Variants in EXOC6B observed in about 807,000 individuals in gnomAD.
EXOC6B encodes exocyst complex component 6B.
EXOC6B carries 54 observed loss-of-function variants against 113.5 expected under a neutral mutation model. The observed-to-expected ratio is 0.48, with a 90% CI of 0.38 to 0.60. The LOEUF is 0.60. EXOC6B is among the 20% of genes least tolerant of loss of function. The pLI is 0.00. For missense variants in EXOC6B, 797 were observed against 977.5 expected, an observed-to-expected ratio of 0.82 and a Z score of 2.46; for synonymous variants, 357 against 339.0, an observed-to-expected ratio of 1.05 and a Z score of -0.58.
chr2:72,620,099 T>C (rs1268162420), intron 6 of EXOC6B, among the ~76,000 whole-genome samples: 1 of 152,206 alleles, frequency 6.6e-6, no homozygotes, highest in Non-Finnish European at 1.5e-5. Flanking sequence ...TCCCAGTCCT[T>C]CGAGGAAGCT....
At chr2:72,374,904 A>G (rs1057337644) in intron 19 of EXOC6B, among the ~76,000 whole-genome samples, 1 of 151,686 alleles carries the variant, frequency 6.6e-6, no homozygotes, top group Non-Finnish European at 1.5e-5. Flanking sequence ...TGAATAAAAA[A>G]GCAAAACCTG....
At chr2:72,286,028 C>A (rs1162901970) in intron 20 of EXOC6B, among the ~76,000 whole-genome samples, 3 of 152,118 alleles carry the variant, frequency 2.0e-5, no homozygotes, top group African/African-American at 7.2e-5. Flanking sequence ...GGAGCTCTCA[C>A]CTATTGTTGG....
In EXOC6B at chr2:72,265,239, TTTA is replaced by T. The variant is rs58637794; in HGVS notation, c.2196+69705_2196+69707del. 7.3e-3 allele frequency among the ~76,000 whole-genome samples: 1,066 copies of T among 146,824 alleles called. 9 individuals are homozygous for T. Among genetic ancestry groups the T allele is most frequent in the South Asian group, 0.049 (224 of 4,598 alleles). The stretch of plus-strand genomic sequence containing the variant: ...AGCAAAGGTGACTCTTAACTATTCT[TTTA>T]TTATTATTATTATTATTATTATTAT... On this transcript the variant is annotated intron_variant, in intron 20 of 21. Coordinates refer to ENST00000272427, the MANE Select transcript of EXOC6B (RefSeq NM_015189.3).
intron 17 of EXOC6B, among the ~76,000 whole-genome samples, chr2:72,467,918 G>A (rs1367980784): frequency 6.6e-6 from 1 of 151,912 alleles, no homozygotes; most frequent in Non-Finnish European, 1.5e-5. Flanking sequence ...TTACAGGTGT[G>A]TGCCACTATG....
chr2:72,326,452 C>T (rs985115394), intron 20 of EXOC6B, among the ~76,000 whole-genome samples: 2 of 152,050 alleles, frequency 1.3e-5, no homozygotes, highest in African/African-American at 2.4e-5. Flanking sequence ...CCCTATGATA[C>T]AGCGTGAGAG....
At chr2:72,550,211 T>G (rs556633365) in intron 8 of EXOC6B, among the ~76,000 whole-genome samples, 31 of 152,252 alleles carry the variant, frequency 2.0e-4, no homozygotes, top group Middle Eastern at 3.4e-3. Flanking sequence ...ATCCATTTTT[T>G]AAAAGTCTTT....
intron 6 of EXOC6B, among the ~76,000 whole-genome samples, chr2:72,630,907 T>C (rs1468127088): frequency 6.6e-6 from 1 of 152,192 alleles, no homozygotes; most frequent in Non-Finnish European, 1.5e-5. Flanking sequence ...AGTAATCATG[T>C]AGTGACACGG....
intron 7 of EXOC6B, among the ~76,000 whole-genome samples, chr2:72,574,015 C>A (rs950353045): frequency 1.3e-5 from 2 of 150,842 alleles, no homozygotes; most frequent in Non-Finnish European, 2.9e-5. Context: ...TCTGGGTAGG[C>A]TGAGGCAGGA....
At chr2:72,638,762 T>C (rs1052744521) in intron 6 of EXOC6B, among the ~76,000 whole-genome samples, 1 of 152,280 alleles carries the variant, frequency 6.6e-6, no homozygotes, top group African/African-American at 2.4e-5. Flanking sequence ...GAGGGTTTGG[T>C]GCAAGAGTGT....
chr2:72,658,234 CA>C (rs1674731195), intron 6 of EXOC6B, among the ~76,000 whole-genome samples: 1 of 50,936 alleles, frequency 2.0e-5, no homozygotes, highest in Non-Finnish European at 3.9e-5. Context: ...GGAAAGAAAT[CA>C]AAGATAATTA....
chr2:72,436,201 T>C (rs1335508040), intron 18 of EXOC6B, among the ~76,000 whole-genome samples: 3 of 152,324 alleles, frequency 2.0e-5, no homozygotes, highest in South Asian at 2.1e-4. Flanking sequence ...AAAATTCTTT[T>C]CTTTAAAAAT....
chr2:72,650,294 T>A (rs938631572), intron 6 of EXOC6B, among the ~76,000 whole-genome samples: 3 of 152,204 alleles, frequency 2.0e-5, no homozygotes, highest in Non-Finnish European at 4.4e-5. Flanking sequence ...AGTTGGGGAC[T>A]GCTGTTTTAG....
chr2:72,767,891 G>A (rs1341590301), intron 1 of EXOC6B, among the ~76,000 whole-genome samples: 4 of 146,848 alleles, frequency 2.7e-5, no homozygotes, highest in South Asian at 4.3e-4. Context: ...CGAGGCAGGC[G>A]GATCGCCTGA....
chr2:72,558,330 A>G (rs1703686580), intron 8 of EXOC6B, among the ~76,000 whole-genome samples: 1 of 152,130 alleles, frequency 6.6e-6, no homozygotes. Flanking sequence ...AAGATGAAGA[A>G]GTGGGCAAGA....
At chr2:72,551,461 G>A (rs1703217056) in intron 8 of EXOC6B, among the ~76,000 whole-genome samples, 1 of 151,400 alleles carries the variant, frequency 6.6e-6, no homozygotes, top group Non-Finnish European at 1.5e-5. Flanking sequence ...CTCCTAAAGT[G>A]CTAGGATTAC....
At chr2:72,414,659 T>C (rs1694408921) in intron 18 of EXOC6B, among the ~76,000 whole-genome samples, 1 of 152,210 alleles carries the variant, frequency 6.6e-6, no homozygotes, top group Non-Finnish European at 1.5e-5. Context: ...CTAGCTTTGC[T>C]TAGTCATTTT....
intron 6 of EXOC6B, among the ~76,000 whole-genome samples, chr2:72,644,597 A>ATT (rs1673547480): frequency 6.6e-6 from 1 of 152,212 alleles, no homozygotes; most frequent in Non-Finnish European, 1.5e-5. Context: ...CTCTCGACAG[A>ATT]AACTCTATAA....
At chr2:72,775,214 G>A (rs1212792432) in intron 1 of EXOC6B, among the ~76,000 whole-genome samples, 4 of 152,208 alleles carry the variant, frequency 2.6e-5, no homozygotes. Flanking sequence ...ATTGGTGATT[G>A]GGGCTCTCTC....
intron 6 of EXOC6B, among the ~76,000 whole-genome samples, chr2:72,599,694 T>C (rs771772283): frequency 2.6e-5 from 4 of 152,118 alleles, no homozygotes; most frequent in Non-Finnish European, 5.9e-5. Context: ...TAAGTGATTA[T>C]AGCAAGGCTG....
Sources: gnomAD v4.1 joint callset for allele counts (sites outside exome capture counted in the v4.1 genomes callset) on GRCh38, gnomAD v4.1.1 for gene constraint, MANE v1.5 for transcripts, NCBI Gene and HGNC (gene_info 2026-07-23, HGNC 2026-07-21) for gene names.